Variants in ZMYND15 observed in about 807,000 individuals in gnomAD.
The protein encoded by ZMYND15 is zinc finger MYND-type containing 15.
Under a neutral mutation model 81.7 loss-of-function variants are expected in ZMYND15, and 54 were observed. The ratio of observed to expected loss-of-function variants is 0.66; its 90% confidence interval spans 0.53 to 0.83. The LOEUF (loss-of-function observed/expected upper bound fraction) is 0.83. ZMYND15 is among the 40% of genes least tolerant of loss of function. ZMYND15 has a pLI of 0.00. For missense variants in ZMYND15, 925 were observed against 973.5 expected (o/e 0.95, Z 0.66); for synonymous variants, 399 against 387.0 (o/e 1.03, Z -0.36).
chr17:4,739,895 G>T lies in ZMYND15; in HGVS notation c.-186G>T. On this transcript the variant is annotated 5_prime_UTR_variant, in exon 1 of 14. Coordinates refer to ENST00000433935, the MANE Select transcript of ZMYND15 (RefSeq NM_001136046.3). This position sits in a 1 kb window ranked among gnomAD's most constrained non-coding sequence, Gnocchi z 5.3. ...GAGAGTCGCCGCCAGCCCCGGCCGC[G>T]CGCACCTGCGGGGCAGCCACCCGCG... 1.0e-6 allele frequency: 1 copy of T among 985,526 alleles called. No individual in the cohort carries two copies. Among genetic ancestry groups the T allele is most frequent in the Non-Finnish European group, 1.2e-6 (1 of 830,154 alleles). The allele number at this position is 985,526 out of a possible 1,614,324, so 61.0% of individuals were successfully genotyped here. A position where few individuals can be genotyped will look rare whatever the true frequency, so the allele number is the denominator to read the frequency against.
rs58866259 is a variant in ZMYND15, at chr17:4,744,967, T to G, written c.1896+39T>G. On this transcript the variant is annotated intron_variant, in intron 12 of 13. Coordinates refer to ENST00000433935, the MANE Select transcript of ZMYND15 (RefSeq NM_001136046.3). The surrounding 1 kb of genome is among the most constrained non-coding windows in gnomAD (Gnocchi z 4.1). ...GCAAAAGGGAACTTCTCTCCCCTCC[T>G]GCCTGGCCCCTCCCCATCTCCTTTT... 0.082 allele frequency: 131,921 copies of G among 1,612,200 alleles called. 9,754 individuals carry two copies. Among genetic ancestry groups the G allele is most frequent in the East Asian group, 0.37 (16,747 of 44,816 alleles).
At position 4,744,772 on chromosome 17, in the gene ZMYND15, G is replaced by C. The variant is rs1916588820; in HGVS notation, c.1831G>C (p.Val611Leu). 1.2e-6 allele frequency: 2 copies of C among 1,614,166 alleles called. No homozygotes were observed. The highest frequency in any genetic ancestry group is 4.5e-5 in the East Asian group (2 of 44,864). The change falls in exon 11 of 14, where the codon GTT becomes CTT. Residue 611 changes from valine (V) to leucine (L), a missense_variant. Physicochemically the swap from Val to Leu is conservative, Grantham distance 32. Transcript: ENST00000433935. The surrounding 1 kb of genome is among the most constrained non-coding windows in gnomAD (Gnocchi z 4.1). ...GTTCCAGGGGCCCAAGCCTGACCTG[G>C]TTATTGGTAAAAGCCTGGGTCTCAG... ...HLFQGPKPDL[V>L]IGFNSGFALK...
rs906311678 is a variant in ZMYND15 at position 4,740,467 on chromosome 17, A to G, written c.-30-52A>G. 31 of 1,467,584 alleles carry G rather than the reference A, an allele frequency of 2.1e-5. No individual in the cohort carries two copies. In the Admixed American group the frequency reaches 3.3e-4, roughly 16 times the overall value. The allele number at this position is 1,467,584 out of a possible 1,614,324, so 90.9% of individuals were successfully genotyped here. ...TCCCTCAATTTGTGACCCAGCCCCAAACTCCATCATTGCTCTCCTGTCCCT... is the reference window on the plus strand; with the variant it reads ...TCCCTCAATTTGTGACCCAGCCCCAGACTCCATCATTGCTCTCCTGTCCCT... On this transcript the variant is annotated intron_variant, in intron 1 of 13. Coordinates refer to ENST00000433935, the MANE Select transcript of ZMYND15 (RefSeq NM_001136046.3).
intron 4 of ZMYND15, 72 bp downstream of exon 4, chr17:4,742,142 GC>G (rs34703324): frequency 0.051 from 81,017 of 1,591,520 alleles, 2,419 homozygotes; most frequent in Admixed American, 0.12. Context: ...GTGGTGGGGG[GC>G]GCCTAGCAGA....
chr17:4,745,344 C>T lies in ZMYND15; in HGVS notation c.2026C>T (p.Arg676Cys), dbSNP rs1049568504. 1.9e-6 allele frequency: 3 copies of T among 1,609,178 alleles called. No individual in the cohort carries two copies. The highest frequency in any genetic ancestry group is 2.5e-6 in the Non-Finnish European group (3 of 1,177,944). The change falls in exon 13 of 14, where the codon CGC (arginine) becomes TGC (cysteine). Residue 676 changes from arginine (R) to cysteine (C), a missense_variant. Transcript: ENST00000433935. This position sits in a 1 kb window ranked among gnomAD's most constrained non-coding sequence, Gnocchi z 5.2. Reference protein sequence around the residue: ...PQPNPFRSPFRLRAADNCMSW... With the variant: ...PQPNPFRSPFCLRAADNCMSW... ...GCCCAACCCCTTCCGCTCCCCCTTT[C>T]GCCTCAGAGCGGCCGACAACTGCAT...
chr17:4,741,832 A>G lies in ZMYND15; in HGVS notation c.827+16A>G, dbSNP rs369535741. 1.8e-5 allele frequency: 28 copies of G among 1,576,692 alleles called. No individual in the cohort carries two copies. In the African/African-American group the frequency reaches 3.7e-4, roughly 21 times the overall value. ...GGCTGCATCGGTATAGAAATCTGGT[A>G]TCTGAGGCTGGGGAGGACTCGGGCC... On this transcript the variant is annotated intron_variant, in intron 3 of 13. Coordinates refer to ENST00000433935, the MANE Select transcript of ZMYND15 (RefSeq NM_001136046.3).
In ZMYND15 at chr17:4,745,829, G is replaced by A; in HGVS notation, c.2068G>A (p.Ala690Thr). 1 of 1,599,566 alleles carries A rather than the reference G, an allele frequency of 6.3e-7. No homozygotes were observed. The highest frequency in any genetic ancestry group is 8.5e-7 in the Non-Finnish European group (1 of 1,175,016). Reference sequence around the variant, plus strand: ...CCCGCGCCCCCGCAGGTACTGCAATGCCTTCATCTTCCACCTGGTTTACAA... The same window carrying A: ...CCCGCGCCCCCGCAGGTACTGCAATACCTTCATCTTCCACCTGGTTTACAA... Reference protein sequence around the residue: ...ADNCMSWYCNAFIFHLVYKPA... With the variant: ...ADNCMSWYCNTFIFHLVYKPA... Residue 690 changes from alanine to threonine, a missense_variant, in exon 14 of 14, where the codon GCC (alanine) becomes ACC (threonine). Physicochemically the swap from Ala to Thr is moderately conservative, Grantham distance 58 (BLOSUM62 0). Transcript: ENST00000433935. This position sits in a 1 kb window ranked among gnomAD's most constrained non-coding sequence, Gnocchi z 5.2.
In ZMYND15 at chr17:4,744,662, T is replaced by C; in HGVS notation, c.1721T>C (p.Ile574Thr). The C allele has an allele frequency of 1.2e-6, 2 of 1,613,474 alleles. No individual in the cohort carries two copies. The highest frequency in any genetic ancestry group is 2.2e-5 in the South Asian group (2 of 91,058). The stretch of plus-strand genomic sequence containing the variant: ...GTGTCTGTCCGGCCTGGTTCCGGCA[T>C]ATCAGCACGGCCCAGCTCTGGCACT... ...LEVSVRPGSG[I>T]SARPSSGTKE... The change falls in exon 11 of 14, where the codon ATA becomes ACA. Residue 574 changes from isoleucine (I) to threonine (T), a missense_variant. Physicochemically the swap from Ile to Thr is moderately conservative, Grantham distance 89. Transcript: ENST00000433935. This position sits in a 1 kb window ranked among gnomAD's most constrained non-coding sequence, Gnocchi z 4.1.
In ZMYND15 at chr17:4,744,080, G is replaced by A. The variant is rs762535631; in HGVS notation, c.1468G>A (p.Val490Ile). Residue 490 changes from valine to isoleucine, a missense_variant, in exon 8 of 14, where the codon GTC becomes ATC. Val to Ile is a conservative substitution (Grantham distance 29, BLOSUM62 3). Coordinates refer to ENST00000433935, the MANE Select transcript of ZMYND15 (RefSeq NM_001136046.3). This position sits in a 1 kb window ranked among gnomAD's most constrained non-coding sequence, Gnocchi z 4.1. The part of the protein sequence containing the change: ...LLTYPLTVYY[V>I]ITHLVPQSFP... ...CACCTACCCGCTGACCGTGTACTAC[G>A]TCATCACCCACCTGGTGCCCCAGTC... 14 of 1,577,472 alleles carry A rather than the reference G, an allele frequency of 8.9e-6. No homozygotes were observed. The highest frequency in any genetic ancestry group is 1.7e-4 in the Middle Eastern group (1 of 6,048).
At position 4,741,009 on chromosome 17, in the gene ZMYND15, C is replaced by T. The variant is rs1295271686; in HGVS notation, c.461C>T (p.Ser154Phe). Residue 154 changes from serine to phenylalanine, a missense_variant, in exon 2 of 14, where the codon TCC (serine) becomes TTC (phenylalanine). Physicochemically the swap from Ser to Phe is radical, Grantham distance 155. Transcript: ENST00000433935. ...GAGCTAGCCCCTACCAGCAGGGAGT[C>T]CCCCCAGGAAACAAACCCTCCAGGA... ...DRELAPTSRE[S>F]PQETNPPGES... The T allele has an allele frequency of 1.9e-6, 3 of 1,554,408 alleles. No individual in the cohort carries two copies. Among genetic ancestry groups the T allele is most frequent in the Non-Finnish European group, 2.6e-6 (3 of 1,148,234 alleles).
chr17:4,740,898 A>G lies in ZMYND15; in HGVS notation c.350A>G (p.Glu117Gly). 1.3e-6 allele frequency: 2 copies of G among 1,579,186 alleles called. No individual in the cohort carries two copies. Among genetic ancestry groups the G allele is most frequent in the Non-Finnish European group, 1.7e-6 (2 of 1,159,978 alleles). The change falls in exon 2 of 14, where the codon GAG becomes GGG. Residue 117 changes from glutamate (E) to glycine (G), a missense_variant. Glu to Gly is a moderately conservative substitution (Grantham distance 98, BLOSUM62 -2). Transcript: ENST00000433935. ...CTAGAGGATGGGGAGGAAGGGGAGG[A>G]GGAAGAGGAGGAAGATGAAGAAGAA... The part of the protein sequence containing the change: ...VSLEDGEEGE[E>G]EEEEDEEEEK...
At position 4,745,159 on chromosome 17, in the gene ZMYND15, G is replaced by A; in HGVS notation, c.1897-56G>A. On this transcript the variant is annotated intron_variant, in intron 12 of 13. Transcript: ENST00000433935. This position sits in a 1 kb window ranked among gnomAD's most constrained non-coding sequence, Gnocchi z 5.2. ...GCTTTCAGCCCGGTCTGTCATTCTGGCTGCTGGGATGGATTTGGGGAGGGG... is the reference window on the plus strand; with the variant it reads ...GCTTTCAGCCCGGTCTGTCATTCTGACTGCTGGGATGGATTTGGGGAGGGG... 2.5e-6 allele frequency: 4 copies of A among 1,612,592 alleles called. No homozygotes were observed. The highest frequency in any genetic ancestry group is 2.7e-5 in the African/African-American group (2 of 74,980).
Position 4,744,038 on chromosome 17 carries a change from C to T in ZMYND15, c.1426C>T (p.Pro476Ser), listed in dbSNP as rs777874887. The change falls in exon 8 of 14, where the codon CCC becomes TCC. Residue 476 changes from proline to serine, a missense_variant. Transcript: ENST00000433935. The surrounding 1 kb of genome is among the most constrained non-coding windows in gnomAD (Gnocchi z 4.1). ...ATGGCGGGGCCTCAGCTTGGACTCCCCCATAGCCGTGCTTCTCACCTACCC... is the reference window on the plus strand; with the variant it reads ...ATGGCGGGGCCTCAGCTTGGACTCCTCCATAGCCGTGCTTCTCACCTACCC... ...YTWRGLSLDSPIAVLLTYPLT... is the reference protein window; with the variant it reads ...YTWRGLSLDSSIAVLLTYPLT... 2.6e-6 allele frequency: 4 copies of T among 1,553,824 alleles called. No individual in the cohort carries two copies. The South Asian group carries it at 3.5e-5, about 14-fold the overall frequency.
chr17:4,740,273 C>T, intron 1 of ZMYND15: 1 of 667,356 alleles, frequency 1.5e-6, no homozygotes, highest in Non-Finnish European at 2.1e-6. Context: ...AATTTTAAGC[C>T]CCAAATACCA....
Position 4,741,114 on chromosome 17 carries a change from C to G in ZMYND15, c.566C>G (p.Pro189Arg), listed in dbSNP as rs1209960507. 1.3e-6 allele frequency: 2 copies of G among 1,505,208 alleles called. No homozygotes were observed. Among genetic ancestry groups the G allele is most frequent in the East Asian group, 4.9e-5 (2 of 40,476 alleles). The allele number at this position is 1,505,208 out of a possible 1,614,324, so 93.2% of individuals were successfully genotyped here. The change falls in exon 2 of 14, where the codon CCC (proline) becomes CGC (arginine). Residue 189 changes from proline (P) to arginine (R), a missense_variant. By Grantham distance (103) the Pro-to-Arg change is moderately radical. Coordinates refer to ENST00000433935, the MANE Select transcript of ZMYND15 (RefSeq NM_001136046.3). The part of the protein sequence containing the change: ...REDRVENETR[P>R]QKRKGQRSEA... ...GACAGGGTGGAGAACGAAACAAGAC[C>G]CCAGAAGAGGAAGGGACAGAGGAGT... is the stretch of plus-strand genomic sequence containing the variant.
chr17:4,745,434 C>T lies in ZMYND15; in HGVS notation c.2057+59C>T. On this transcript the variant is annotated intron_variant, in intron 13 of 13. Coordinates refer to ENST00000433935, the MANE Select transcript of ZMYND15 (RefSeq NM_001136046.3). The surrounding 1 kb of genome is among the most constrained non-coding windows in gnomAD (Gnocchi z 5.2). ...CTTAACTTCTCTTACTCTCTGGCTC[C>T]ACATCCTCGAAGGCCCACCTCTACC... The T allele has an allele frequency of 1.3e-6, 2 of 1,537,214 alleles. No homozygotes were observed. The highest frequency in any genetic ancestry group is 1.8e-6 in the Non-Finnish European group (2 of 1,142,728).
At position 4,745,814 on chromosome 17, in the gene ZMYND15, C is replaced by T; in HGVS notation, c.2058-5C>T. ...GGTCCCTGACTGCGCCCCGCGCCCC[C>T]GCAGGTACTGCAATGCCTTCATCTT... is the stretch of plus-strand genomic sequence containing the variant. On this transcript the variant is annotated splice_polypyrimidine_tract_variant and splice_region_variant and intron_variant, in intron 13 of 13. Coordinates refer to ENST00000433935, the MANE Select transcript of ZMYND15 (RefSeq NM_001136046.3). This position sits in a 1 kb window ranked among gnomAD's most constrained non-coding sequence, Gnocchi z 5.2. 1.3e-6 allele frequency: 2 copies of T among 1,593,716 alleles called. No individual in the cohort carries two copies. The highest frequency in any genetic ancestry group is 1.4e-5 in the African/African-American group (1 of 72,694).
Position 4,743,756 on chromosome 17 carries a change from C to T in ZMYND15, c.1298-11C>T. ...CCTGACCCCAGGCCCCTCCTTCTTT[C>T]ATCCTCTCAGGAGACCCCTACCAGC... On this transcript the variant is annotated splice_polypyrimidine_tract_variant and intron_variant, in intron 6 of 13. Transcript: ENST00000433935. This position sits in a 1 kb window ranked among gnomAD's most constrained non-coding sequence, Gnocchi z 4.3. The T allele has an allele frequency of 6.2e-7, 1 of 1,611,848 alleles. No homozygotes were observed. The highest frequency in any genetic ancestry group is 8.5e-7 in the Non-Finnish European group (1 of 1,179,036).
rs1916623104 is a variant in ZMYND15 at position 4,745,477 on chromosome 17, G to A, written c.2057+102G>A. 1.4e-6 allele frequency: 2 copies of A among 1,416,480 alleles called. No homozygotes were observed. Among genetic ancestry groups the A allele is most frequent in the African/African-American group, 2.9e-5 (2 of 69,278 alleles). The allele number at this position is 1,416,480 out of a possible 1,614,324, so 87.7% of individuals were successfully genotyped here. A position where few individuals can be genotyped will look rare whatever the true frequency, so the allele number is the denominator to read the frequency against. On this transcript the variant is annotated intron_variant, in intron 13 of 13. Transcript: ENST00000433935. The surrounding 1 kb of genome is among the most constrained non-coding windows in gnomAD (Gnocchi z 5.2). The stretch of plus-strand genomic sequence containing the variant: ...CCTCTACCCTAGTCCCTGCTGTCCT[G>A]GGGCCCTCCTGCCCCCAGCCCAGCA...
Sources: gnomAD v4.1 joint callset for allele counts on GRCh38, gnomAD v4.1.1 for gene constraint, Gnocchi (gnomAD v3.1) non-coding constraint, MANE v1.5 for transcripts, NCBI Gene and HGNC (gene_info 2026-07-23, HGNC 2026-07-21) for gene names.